Variants in HYCC1 observed in about 807,000 individuals in gnomAD.
The protein encoded by HYCC1 is hyccin PI4KA lipid kinase complex subunit 1, also known as hyccin.
At chr7:22,958,664 G>T in the HYCC1 span, among the ~76,000 whole-genome samples, 13 of 151,960 alleles carry the variant, frequency 8.6e-5, no homozygotes, top group Middle Eastern at 3.2e-3. Flanking sequence ...AATATGTCTG[G>T]GAAATGGCTT....
chr7:22,909,995 A>G, the HYCC1 span, among the ~76,000 whole-genome samples: 5 of 152,358 alleles, frequency 3.3e-5, no homozygotes, highest in South Asian at 2.1e-4. Context: ...AATGAATTAC[A>G]TACGGACATG....
chr7:23,010,430 G>A, the HYCC1 span, among the ~76,000 whole-genome samples: 1 of 152,082 alleles, frequency 6.6e-6, no homozygotes, highest in Non-Finnish European at 1.5e-5. Flanking sequence ...AACCATGGCT[G>A]CACACTGGAA....
the HYCC1 span, among the ~76,000 whole-genome samples, chr7:22,953,604 CAT>C: frequency 6.6e-6 from 1 of 151,876 alleles, no homozygotes; most frequent in Non-Finnish European, 1.5e-5. Context: ...TTAATATCCA[CAT>C]GTGTCAAACA....
chr7:22,908,477 G>A, the HYCC1 span, among the ~76,000 whole-genome samples: 1 of 152,180 alleles, frequency 6.6e-6, no homozygotes, highest in Non-Finnish European at 1.5e-5. Context: ...CAGGCATTAT[G>A]TGGAGAGGTA....
the HYCC1 span, among the ~76,000 whole-genome samples, chr7:22,977,839 C>A: frequency 6.6e-6 from 1 of 152,118 alleles, no homozygotes. Context: ...ATTAGTAATG[C>A]AAGCCGTATG....
At chr7:22,947,058 A>C in the HYCC1 span, 4 of 1,550,264 alleles carry the variant, frequency 2.6e-6, no homozygotes, top group African/African-American at 5.5e-5. Flanking sequence ...GATCTCTGGC[A>C]AGCCTTTGCT....
At chr7:22,993,705 CAT>C in the HYCC1 span, among the ~76,000 whole-genome samples, 10 of 152,040 alleles carry the variant, frequency 6.6e-5, no homozygotes, top group South Asian at 6.2e-4. Context: ...CACACACACA[CAT>C]ACACACACAC....
chr7:22,924,329 G>A, the HYCC1 span, among the ~76,000 whole-genome samples: 1 of 152,180 alleles, frequency 6.6e-6, no homozygotes, highest in Non-Finnish European at 1.5e-5. Flanking sequence ...GTGCCGGACA[G>A]TGGGTGCAGG....
chr7:22,930,692 A>T, the HYCC1 span, among the ~76,000 whole-genome samples: 2 of 152,158 alleles, frequency 1.3e-5, no homozygotes, highest in Non-Finnish European at 2.9e-5. Flanking sequence ...ATTCCCCATG[A>T]GTAGAGATGT....
At chr7:22,940,764 C>T in the HYCC1 span, 2 of 151,696 alleles carry the variant, frequency 1.3e-5, no homozygotes, top group African/African-American at 2.4e-5. Flanking sequence ...TATCTAGGTA[C>T]TAGGGGCATA....
the HYCC1 span, among the ~76,000 whole-genome samples, chr7:22,931,562 T>C: frequency 2.6e-5 from 4 of 152,124 alleles, no homozygotes; most frequent in Admixed American, 2.0e-4. Context: ...AAAACCTAAA[T>C]TGCTTTAAAA....
At chr7:22,972,752 G>T in the HYCC1 span, among the ~76,000 whole-genome samples, 5 of 152,070 alleles carry the variant, frequency 3.3e-5, no homozygotes, top group Admixed American at 3.3e-4. Context: ...TCTTCAAGTT[G>T]TTCACACATA....
chr7:22,924,217 C>G, the HYCC1 span, among the ~76,000 whole-genome samples: 2 of 149,718 alleles, frequency 1.3e-5, no homozygotes, highest in Admixed American at 6.7e-5. Context: ...CCAAGATGGC[C>G]GAATAGGAAC....
chr7:23,011,240 TC>T, the HYCC1 span, among the ~76,000 whole-genome samples: 3 of 152,202 alleles, frequency 2.0e-5, no homozygotes, highest in Non-Finnish European at 4.4e-5. Flanking sequence ...CTAAAGGCTT[TC>T]CCTGAGTCAT....
the HYCC1 span, among the ~76,000 whole-genome samples, chr7:22,924,766 G>A: frequency 4.6e-5 from 7 of 152,256 alleles, no homozygotes; most frequent in African/African-American, 1.7e-4. Flanking sequence ...GCAGGGCACA[G>A]ACAAACAAAA....
the HYCC1 span, among the ~76,000 whole-genome samples, chr7:22,986,671 C>A: frequency 6.6e-6 from 1 of 152,154 alleles, no homozygotes; most frequent in Non-Finnish European, 1.5e-5. Flanking sequence ...CATGGTGAAA[C>A]CCCGTCTTTA....
At chr7:22,963,049 A>C in the HYCC1 span, among the ~76,000 whole-genome samples, 1 of 152,176 alleles carries the variant, frequency 6.6e-6, no homozygotes, top group Non-Finnish European at 1.5e-5. Context: ...ACTTCTGCCT[A>C]TAATAATTCC....
the HYCC1 span, among the ~76,000 whole-genome samples, chr7:22,903,259 C>G: frequency 2.8e-4 from 42 of 151,964 alleles, no homozygotes; most frequent in African/African-American, 9.4e-4. Flanking sequence ...AGCATACAAA[C>G]TTGTACACAA....
At chr7:23,004,844 C>T in the HYCC1 span, among the ~76,000 whole-genome samples, 1 of 152,112 alleles carries the variant, frequency 6.6e-6, no homozygotes, top group Non-Finnish European at 1.5e-5. Flanking sequence ...CTCACTGTGT[C>T]GCTCAGGCTG....
Sources: gnomAD v4.1 joint callset for allele counts (sites outside exome capture counted in the v4.1 genomes callset) on GRCh38, gnomAD v4.1.1 for gene constraint, MANE v1.5 for transcripts, NCBI Gene and HGNC (gene_info 2026-07-23, HGNC 2026-07-21) for gene names.